The following TCAF1 variants were observed in gnomAD, a reference collection of about 807,000 sequenced individuals.
TCAF1 encodes the protein TRPM8 channel associated factor 1, also known as TRPM8 channel-associated factor 1.
TCAF1 carries 4 observed loss-of-function variants against 27.3 expected under a neutral mutation model. The ratio of observed to expected loss-of-function variants is 0.15; its 90% CI spans 0.07 to 0.34. The LOEUF (loss-of-function observed/expected upper bound fraction) is 0.34. TCAF1 is among the 10% of genes least tolerant of loss of function. The pLI, the probability that TCAF1 is intolerant of heterozygous loss-of-function variation, is 1.00. For missense variants in TCAF1, 257 were observed against 425.8 expected (o/e 0.60, Z 3.49); for synonymous variants, 105 against 167.1 (o/e 0.63, Z 2.87).
rs1491160840 is a variant in TCAF1, at chr7:143,860,001, A to ATT, written c.2167+206_2167+207insAA. On this transcript the variant is annotated intron_variant, in intron 6 of 8. Transcript: ENST00000479870. ...ATATATTATATAATATATATTATAT[A>ATT]ATATATATATAATATATATTATATA... is the stretch of plus-strand genomic sequence containing the variant. Among the ~76,000 whole-genome samples, 640 of 36,348 alleles carry ATT rather than the reference A, an allele frequency of 0.018. 163 individuals are homozygous for ATT. In the East Asian group the frequency reaches 0.19, roughly 11 times the overall value. The allele number at this position is 36,348 out of a possible 152,430, so 23.8% of individuals were successfully genotyped here.
intron 1 of TCAF1, among the ~76,000 whole-genome samples, chr7:143,887,681 C>T (rs182607070): frequency 2.6e-5 from 4 of 152,224 alleles, no homozygotes; most frequent in Admixed American, 2.0e-4. Flanking sequence ...AGCTCTAATC[C>T]ACCCTGCTCT....
chr7:143,875,786 T>C (rs1812660544), intron 2 of TCAF1, among the ~76,000 whole-genome samples: 1 of 152,176 alleles, frequency 6.6e-6, no homozygotes, highest in African/African-American at 2.4e-5. Flanking sequence ...AAGAGCTAAA[T>C]GGTCTGGTTT....
rs548095203 is a variant in TCAF1, at chr7:143,898,641, G to A, written c.-15+3320C>T. On this transcript the variant is annotated intron_variant, in intron 1 of 8. Coordinates refer to ENST00000479870, the MANE Select transcript of TCAF1 (RefSeq NM_014719.3). ...AAATTTAACAAAAACTGAGCCAAAAGAAAACAATAAAAAATAGTACAAAAC... is the reference window on the plus strand; with the variant it reads ...AAATTTAACAAAAACTGAGCCAAAAAAAAACAATAAAAAATAGTACAAAAC... 2.6e-5 allele frequency among the ~76,000 whole-genome samples: 4 copies of A among 152,018 alleles called. No homozygotes were observed. In the South Asian group the frequency reaches 8.3e-4, roughly 32 times the overall value.
At chr7:143,883,922 AGG>A (rs773350214) in intron 1 of TCAF1, among the ~76,000 whole-genome samples, 1 of 152,180 alleles carries the variant, frequency 6.6e-6, no homozygotes, top group Non-Finnish European at 1.5e-5. Context: ...GGGTGGTGAC[AGG>A]GACCCAGACT....
chr7:143,886,553 T>C, intron 1 of TCAF1: 1 of 984,500 alleles, frequency 1.0e-6, no homozygotes. Flanking sequence ...ATGGATGAAA[T>C]GGGGTAAGAA....
At chr7:143,890,704 A>G (rs1298336981) in intron 1 of TCAF1, among the ~76,000 whole-genome samples, 1 of 152,248 alleles carries the variant, frequency 6.6e-6, no homozygotes, top group Non-Finnish European at 1.5e-5. Context: ...GAGGCTGAAA[A>G]GGAAGTGTCA....
intron 1 of TCAF1, among the ~76,000 whole-genome samples, chr7:143,898,108 T>A (rs1586804415): frequency 6.6e-6 from 1 of 152,094 alleles, no homozygotes; most frequent in Non-Finnish European, 1.5e-5. Context: ...GGAAAAAAAG[T>A]ATATATATTC....
intron 2 of TCAF1, among the ~76,000 whole-genome samples, chr7:143,875,683 T>C (rs763063657): frequency 6.6e-6 from 1 of 152,120 alleles, no homozygotes; most frequent in Non-Finnish European, 1.5e-5. Context: ...CTATAAACCA[T>C]CTGGATTAAC....
rs563131880 is a variant in TCAF1 at position 143,889,900 on chromosome 7, A to G, written c.-15+12061T>C. ...CAACTAAGGGCAATTTTGAGTTTCAATGGGGAATCATTAGGCATCCACCTT... is the reference window on the plus strand; with the variant it reads ...CAACTAAGGGCAATTTTGAGTTTCAGTGGGGAATCATTAGGCATCCACCTT... On this transcript the variant is annotated intron_variant, in intron 1 of 8. Coordinates refer to ENST00000479870, the MANE Select transcript of TCAF1 (RefSeq NM_014719.3). 3.3e-5 allele frequency among the ~76,000 whole-genome samples: 5 copies of G among 152,308 alleles called. No homozygotes were observed. The South Asian group carries it at 6.2e-4, about 19-fold the overall frequency.
rs771971136 is a variant in TCAF1, at chr7:143,876,410, A to T, written c.199T>A (p.Tyr67Asn). Residue 67 changes from tyrosine (Y) to asparagine (N), a missense_variant, in exon 2 of 9, where the codon TAC becomes AAC. Transcript: ENST00000479870. ...GGCGTGAGCTGGGCTTCCACCAAGT[A>T]GTCCTCATGGGACACGACCACCAGG... Reference protein sequence around the residue: ...GRLVVVSHEDYLVEAQLTPFL... With the variant: ...GRLVVVSHEDNLVEAQLTPFL... The T allele has an allele frequency of 6.2e-7, 1 of 1,613,708 alleles. No individual in the cohort carries two copies. Among genetic ancestry groups the T allele is most frequent in the Non-Finnish European group, 8.5e-7 (1 of 1,179,794 alleles).
At chr7:143,896,551 G>C (rs1016890173) in intron 1 of TCAF1, among the ~76,000 whole-genome samples, 2 of 152,132 alleles carry the variant, frequency 1.3e-5, no homozygotes, top group South Asian at 4.1e-4. Context: ...AAAACTTACT[G>C]GGTTTTAAAG....
chr7:143,901,072 G>A (rs1285616674), intron 1 of TCAF1, among the ~76,000 whole-genome samples: 1 of 152,194 alleles, frequency 6.6e-6, no homozygotes, highest in Non-Finnish European at 1.5e-5. Flanking sequence ...GGACTCATGG[G>A]CTTCTAAGGT....
In TCAF1 at chr7:143,901,553, T is replaced by C. The variant is rs73725426; in HGVS notation, c.-15+408A>G. On this transcript the variant is annotated intron_variant, in intron 1 of 8. Coordinates refer to ENST00000479870, the MANE Select transcript of TCAF1 (RefSeq NM_014719.3). ...CCCTTCCCCCACCACAAACCCACACTGCGCCCGTGGGCGCCTAGAGCACTG... is the reference window on the plus strand; with the variant it reads ...CCCTTCCCCCACCACAAACCCACACCGCGCCCGTGGGCGCCTAGAGCACTG... 9.2e-3 allele frequency among the ~76,000 whole-genome samples: 1,398 copies of C among 152,090 alleles called. 26 individuals carry two copies. The highest frequency in any genetic ancestry group is 0.032 in the African/African-American group (1,309 of 41,486).
chr7:143,879,011 GTGGAC>G (rs1812869764), intron 1 of TCAF1, among the ~76,000 whole-genome samples: 1 of 152,160 alleles, frequency 6.6e-6, no homozygotes, highest in Admixed American at 6.5e-5. Flanking sequence ...GCCTCCTGGT[GTGGAC>G]TGCCTGCAGA....
intron 1 of TCAF1, among the ~76,000 whole-genome samples, chr7:143,887,755 T>C (rs1380184873): frequency 3.3e-5 from 5 of 152,158 alleles, no homozygotes; most frequent in Non-Finnish European, 7.3e-5. Context: ...CACAATGAAA[T>C]ATGGTACAGC....
At chr7:143,884,601 G>A (rs1813291993) in intron 1 of TCAF1, among the ~76,000 whole-genome samples, 2 of 151,506 alleles carry the variant, frequency 1.3e-5, no homozygotes, top group Non-Finnish European at 2.9e-5. Flanking sequence ...TTTAAATTCA[G>A]AACAAAAACG....
chr7:143,885,439 G>T (rs1307090912), intron 1 of TCAF1: 53 of 985,318 alleles, frequency 5.4e-5, no homozygotes, highest in Admixed American at 6.2e-5. Context: ...CGCCGCCCCC[G>T]GACCGCAGAG....
chr7:143,887,605 A>C (rs1323039992), intron 1 of TCAF1, among the ~76,000 whole-genome samples: 2 of 152,204 alleles, frequency 1.3e-5, no homozygotes, highest in African/African-American at 4.8e-5. Flanking sequence ...TGGAATCCTC[A>C]AAGTGTCACC....
intron 1 of TCAF1, among the ~76,000 whole-genome samples, chr7:143,891,199 C>T (rs1446235926): frequency 6.6e-6 from 1 of 152,092 alleles, no homozygotes; most frequent in Non-Finnish European, 1.5e-5. Flanking sequence ...AAGAAAATAA[C>T]ATCAATCAAA....
Sources: allele counts gnomAD v4.1 joint callset (sites outside exome capture counted in the v4.1 genomes callset), GRCh38; gene constraint gnomAD v4.1.1; transcripts MANE v1.5; gene names NCBI Gene and HGNC (gene_info 2026-07-23, HGNC 2026-07-21).